The following PIEZO2 variants were observed in gnomAD, a reference collection of about 807,000 sequenced individuals.
PIEZO2 encodes the protein piezo type mechanosensitive ion channel component 2, also known as piezo-type mechanosensitive ion channel component 2.
PIEZO2 carries 172 observed loss-of-function variants against 337.3 expected under a neutral mutation model. That is an observed-to-expected ratio of 0.51 (90% CI 0.45 to 0.58). The LOEUF (loss-of-function observed/expected upper bound fraction) is 0.58. Ranked by LOEUF, PIEZO2 falls within the 20% of genes least tolerant of loss-of-function variation. The pLI is 0.00. For synonymous variants in PIEZO2, 1,251 were observed against 1,228.5 expected, an observed-to-expected ratio of 1.02 and a Z score of -0.38; for missense variants, 3,028 against 3,391.3, an observed-to-expected ratio of 0.89 and a Z score of 2.66.
chr18:11,036,352 AG>A (rs2145786940), intron 2 of PIEZO2, among the ~76,000 whole-genome samples: 1 of 152,246 alleles, frequency 6.6e-6, no homozygotes, highest in East Asian at 1.9e-4. Context: ...TTTTCATCTT[AG>A]GGACTCTGAA....
At chr18:10,715,074 T>G in intron 38 of PIEZO2, 144 bp from the exon 39 acceptor site, 1 of 755,336 alleles carries the variant, frequency 1.3e-6, no homozygotes, top group Non-Finnish European at 2.0e-6. Context: ...GGGATTGATG[T>G]CGACTCATTT....
chr18:10,965,353 C>G (rs1032286412), intron 3 of PIEZO2, among the ~76,000 whole-genome samples: 8 of 152,148 alleles, frequency 5.3e-5, no homozygotes, highest in Non-Finnish European at 1.2e-4. Context: ...TTGAGTGTAA[C>G]ACTTTATCTC....
At position 11,081,885 on chromosome 18, in the gene PIEZO2, G is replaced by A. The variant is rs574097754; in HGVS notation, c.65-15663C>T. Among the ~76,000 whole-genome samples, 209 of 151,334 alleles carry A rather than the reference G, an allele frequency of 1.4e-3. 2 individuals are homozygous for A. The highest frequency in any genetic ancestry group is 4.9e-3 in the African/African-American group (204 of 41,226). ...AGCGATTCTCCTGTCTCAGCCTCCC[G>A]AGTAGCTGGGACTACAGGCACATGC... is the stretch of plus-strand genomic sequence containing the variant. On this transcript the variant is annotated intron_variant, in intron 1 of 55. Transcript: ENST00000674853.
At chr18:11,012,746 T>C (rs577029137) in intron 2 of PIEZO2, among the ~76,000 whole-genome samples, 1 of 152,362 alleles carries the variant, frequency 6.6e-6, no homozygotes, top group East Asian at 1.9e-4. Flanking sequence ...TTTTAATATA[T>C]TAAGTTATTC....
chr18:10,864,698 T>C (rs1232452911), intron 5 of PIEZO2, among the ~76,000 whole-genome samples: 1 of 152,170 alleles, frequency 6.6e-6, no homozygotes, highest in East Asian at 1.9e-4. Context: ...TTCACCTACA[T>C]ATCAGTGTGC....
chr18:10,926,504 C>G (rs1216206608), intron 3 of PIEZO2, among the ~76,000 whole-genome samples: 1 of 151,996 alleles, frequency 6.6e-6, no homozygotes, highest in Non-Finnish European at 1.5e-5. Context: ...AAATCTGGGC[C>G]CAATAAATCA....
chr18:11,046,105 G>A (rs1342648664), intron 2 of PIEZO2, among the ~76,000 whole-genome samples: 2 of 152,054 alleles, frequency 1.3e-5, no homozygotes, highest in Non-Finnish European at 1.5e-5. Flanking sequence ...CAATCAACTG[G>A]CTGGTCCCCC....
intron 3 of PIEZO2, among the ~76,000 whole-genome samples, chr18:10,914,621 G>A (rs1466132990): frequency 1.3e-5 from 2 of 151,966 alleles, no homozygotes. Context: ...TCGATCTGAG[G>A]TCAGTTGAAT....
intron 4 of PIEZO2, among the ~76,000 whole-genome samples, chr18:10,906,552 G>C (rs1344839520): frequency 1.3e-5 from 2 of 151,826 alleles, no homozygotes; most frequent in African/African-American, 4.8e-5. Context: ...CACTATGATA[G>C]ATATTATAAG....
chr18:11,054,563 T>C (rs1487674221), intron 2 of PIEZO2, among the ~76,000 whole-genome samples: 1 of 152,214 alleles, frequency 6.6e-6, no homozygotes, highest in East Asian at 1.9e-4. Flanking sequence ...TTGATGTTTA[T>C]ATACTGGAAG....
At chr18:11,042,361 G>A (rs1250339271) in intron 2 of PIEZO2, among the ~76,000 whole-genome samples, 7 of 152,190 alleles carry the variant, frequency 4.6e-5, no homozygotes, top group African/African-American at 1.7e-4. Context: ...CCTGCAGGCT[G>A]GGGATGGCCA....
intron 7 of PIEZO2, among the ~76,000 whole-genome samples, chr18:10,840,795 A>C (rs62085164): frequency 5.8e-4 from 88 of 152,326 alleles, no homozygotes; most frequent in Middle Eastern, 3.4e-3. Context: ...TCTGACAGTT[A>C]TATTTGGGGT....
In PIEZO2 at chr18:11,002,599, G is replaced by A. The variant is rs2035582943; in HGVS notation, c.161-22939C>T. 6.6e-6 allele frequency among the ~76,000 whole-genome samples: 1 copy of A among 152,082 alleles called. No individual in the cohort carries two copies. Among genetic ancestry groups the A allele is most frequent in the Non-Finnish European group, 1.5e-5 (1 of 68,018 alleles). On this transcript the variant is annotated intron_variant, in intron 2 of 55. Coordinates refer to ENST00000674853, the MANE Select transcript of PIEZO2 (RefSeq NM_001378183.1). The surrounding 1 kb of genome is among the most constrained non-coding windows in gnomAD (Gnocchi z 4.3). ...ATTTCACCATTTCCAGAAGGAAATT[G>A]GAAAAAATATCAGAGCTCAATTTGT...
Position 10,762,462 on chromosome 18 carries a change from G to A in PIEZO2, c.3249+38C>T, listed in dbSNP as rs185388752. On this transcript the variant is annotated intron_variant, in intron 23 of 55. Transcript: ENST00000674853. The stretch of plus-strand genomic sequence containing the variant: ...AAAGAATCCTGAACTATTATATAAC[G>A]GAGTGGAGGCCCAAACTAAGCACGA... 850 of 1,529,014 alleles carry A rather than the reference G, an allele frequency of 5.6e-4. 5 individuals are homozygous for A. In the African/African-American group the frequency reaches 0.01, roughly 19 times the overall value. The allele number at this position is 1,529,014 out of a possible 1,614,324, so 94.7% of individuals were successfully genotyped here.
intron 18 of PIEZO2, among the ~76,000 whole-genome samples, chr18:10,780,068 T>C (rs1440299667): frequency 6.6e-6 from 1 of 152,122 alleles, no homozygotes; most frequent in Non-Finnish European, 1.5e-5. Context: ...AAGAACAGAA[T>C]GAATGGGACG....
At chr18:10,836,575 G>A (rs1343263343) in intron 7 of PIEZO2, among the ~76,000 whole-genome samples, 1 of 152,182 alleles carries the variant, frequency 6.6e-6, no homozygotes, top group East Asian at 1.9e-4. Flanking sequence ...ACTAGGTTAA[G>A]GTAATGAGGT....
At chr18:11,040,603 T>C (rs1002825685) in intron 2 of PIEZO2, among the ~76,000 whole-genome samples, 2 of 152,212 alleles carry the variant, frequency 1.3e-5, no homozygotes, top group Non-Finnish European at 2.9e-5. Context: ...AGAAAATACA[T>C]ATTCTAATAT....
At position 10,929,972 on chromosome 18, in the gene PIEZO2, C is replaced by A. The variant is rs560995599; in HGVS notation, c.287-18744G>T. On this transcript the variant is annotated intron_variant, in intron 3 of 55. Coordinates refer to ENST00000674853, the MANE Select transcript of PIEZO2 (RefSeq NM_001378183.1). This position sits in a 1 kb window ranked among gnomAD's most constrained non-coding sequence, Gnocchi z 5.6. Reference sequence around the variant, plus strand: ...CCCTCTTTCCTTTGGAGTTGAGGCACCACGGACCAGCATTAACATTAAAAC... The same window carrying A: ...CCCTCTTTCCTTTGGAGTTGAGGCAACACGGACCAGCATTAACATTAAAAC... Among the ~76,000 whole-genome samples, 81 of 152,272 alleles carry A rather than the reference C, an allele frequency of 5.3e-4. No individual in the cohort carries two copies. Among genetic ancestry groups the A allele is most frequent in the Non-Finnish European group, 1.0e-3 (71 of 68,018 alleles).
chr18:10,740,958 G>A (rs1369750844), intron 33 of PIEZO2, 73 bp downstream of exon 33: 1 of 1,429,392 alleles, frequency 7.0e-7, no homozygotes, highest in African/African-American at 1.4e-5. Flanking sequence ...ATGGGTCACG[G>A]GAACGCCTGA....
Sources: allele counts gnomAD v4.1 joint callset (sites outside exome capture counted in the v4.1 genomes callset), GRCh38; gene constraint gnomAD v4.1.1; non-coding constraint Gnocchi (gnomAD v3.1); transcripts MANE v1.5; gene names NCBI Gene and HGNC (gene_info 2026-07-23, HGNC 2026-07-21).